Variants in WWOX observed in about 807,000 individuals in gnomAD.
The protein encoded by WWOX is WW domain containing oxidoreductase, also known as WW domain-containing oxidoreductase.
A neutral mutation model predicts 46.2 loss-of-function variants in WWOX; 69 were observed. The observed-to-expected ratio is 1.49, with a 90% confidence interval of 1.23 to 1.82. WWOX has a LOEUF of 1.82. Ranked by LOEUF, WWOX falls within the 40% of genes most tolerant of loss-of-function variation. The pLI is 0.00. For synonymous variants in WWOX, 359 were observed against 202.6 expected, an observed-to-expected ratio of 1.77 and a Z score of -6.56; for missense variants, 919 against 542.6, an observed-to-expected ratio of 1.69 and a Z score of -6.89.
intron 8 of WWOX, among the ~76,000 whole-genome samples, chr16:78,473,573 C>G (rs990389548): frequency 6.6e-6 from 1 of 152,264 alleles, no homozygotes; most frequent in Non-Finnish European, 1.5e-5. Context: ...TATCTGTGAG[C>G]AGACGTGATT....
At chr16:78,128,967 T>C (rs2033475791) in intron 4 of WWOX, among the ~76,000 whole-genome samples, 1 of 152,198 alleles carries the variant, frequency 6.6e-6, no homozygotes, top group Admixed American at 6.5e-5. Context: ...CAATTCTAAG[T>C]TCACGTACAG....
At chr16:79,102,500 C>G (rs993453154) in intron 8 of WWOX, among the ~76,000 whole-genome samples, 1 of 152,206 alleles carries the variant, frequency 6.6e-6, no homozygotes, top group Non-Finnish European at 1.5e-5. Flanking sequence ...ATTTACCAAA[C>G]ATCATGCTTT....
chr16:78,415,315 A>G (rs1390119654), intron 6 of WWOX, among the ~76,000 whole-genome samples: 2 of 151,988 alleles, frequency 1.3e-5, no homozygotes, highest in Non-Finnish European at 2.9e-5. Flanking sequence ...TTAGGGTATA[A>G]TGAGTAGTAA....
chr16:78,556,460 C>G (rs1490069918), intron 8 of WWOX, among the ~76,000 whole-genome samples: 3 of 152,120 alleles, frequency 2.0e-5, no homozygotes, highest in African/African-American at 7.2e-5. Flanking sequence ...ATGGAGCACC[C>G]TGTTCCCATA....
chr16:78,885,247 GA>G (rs35869310), intron 8 of WWOX, among the ~76,000 whole-genome samples: 39,972 of 145,118 alleles, frequency 0.28, 5,714 homozygotes, highest in Middle Eastern at 0.43. Context: ...AAGGAACACT[GA>G]AAAAAAAAAT....
In WWOX at chr16:78,930,595, C is replaced by A. The variant is rs966641223; in HGVS notation, c.1057-281013C>A. ...CATAGGCTGCTGCACCAGGCAAGGA[C>A]TTTTTTTTTTTTTTTTAAACAAACT... On this transcript the variant is annotated intron_variant, in intron 8 of 8. Transcript: ENST00000566780. Among the ~76,000 whole-genome samples, 4 of 139,498 alleles carry A rather than the reference C, an allele frequency of 2.9e-5. No individual in the cohort carries two copies. The Admixed American group carries it at 2.9e-4, about 10-fold the overall frequency. 91.5% of individuals were successfully genotyped at this position (139,498 alleles called of 152,430 possible).
intron 8 of WWOX, among the ~76,000 whole-genome samples, chr16:78,709,344 G>A (rs1219494072): frequency 6.6e-6 from 1 of 152,226 alleles, no homozygotes; most frequent in Non-Finnish European, 1.5e-5. Flanking sequence ...AAGCTTGTTG[G>A]AGTTGTCTGG....
intron 8 of WWOX, among the ~76,000 whole-genome samples, chr16:78,718,685 C>T (rs1361845422): frequency 6.6e-6 from 1 of 151,954 alleles, no homozygotes; most frequent in Admixed American, 6.6e-5. Flanking sequence ...TCCAGCCTGG[C>T]CAACATAGTG....
chr16:79,053,939 A>G (rs1041820785), intron 8 of WWOX, among the ~76,000 whole-genome samples: 5 of 152,150 alleles, frequency 3.3e-5, no homozygotes, highest in Non-Finnish European at 5.9e-5. Flanking sequence ...TGTGGTTAGA[A>G]CTAAGAGGAT....
At chr16:78,573,926 G>A (rs2044782242) in intron 8 of WWOX, among the ~76,000 whole-genome samples, 1 of 152,198 alleles carries the variant, frequency 6.6e-6, no homozygotes, top group Non-Finnish European at 1.5e-5. Context: ...AGACTTAGCT[G>A]GGTCCTCTGC....
chr16:79,037,076 C>G (rs1012664590), intron 8 of WWOX, among the ~76,000 whole-genome samples: 2 of 152,186 alleles, frequency 1.3e-5, no homozygotes, highest in East Asian at 1.9e-4. Flanking sequence ...CTTCCTCAGA[C>G]TCAGGGCGGG....
chr16:78,546,148 A>C (rs918816367), intron 8 of WWOX, among the ~76,000 whole-genome samples: 7 of 152,212 alleles, frequency 4.6e-5, no homozygotes, highest in Non-Finnish European at 1.0e-4. Flanking sequence ...TTACATAATT[A>C]ATCACAAAAA....
intron 8 of WWOX, among the ~76,000 whole-genome samples, chr16:78,971,473 A>AGAG (rs1252595168): frequency 3.7e-5 from 5 of 136,698 alleles, no homozygotes; most frequent in African/African-American, 1.4e-4. Flanking sequence ...AAAAAAAAAA[A>AGAG]AGAGAGAGAT....
At chr16:78,645,543 C>T (rs143742574) in intron 8 of WWOX, among the ~76,000 whole-genome samples, 31 of 152,136 alleles carry the variant, frequency 2.0e-4, no homozygotes, top group Non-Finnish European at 3.8e-4. Context: ...CGTCAGGCAG[C>T]TTCTACTCAT....
chr16:78,847,227 G>A (rs1293604824), intron 8 of WWOX, among the ~76,000 whole-genome samples: 2 of 152,144 alleles, frequency 1.3e-5, no homozygotes, highest in African/African-American at 2.4e-5. Flanking sequence ...TACTGCTGGA[G>A]TGTCATTGCT....
chr16:79,096,691 T>C (rs941240431), intron 8 of WWOX, among the ~76,000 whole-genome samples: 1 of 152,232 alleles, frequency 6.6e-6, no homozygotes, highest in Non-Finnish European at 1.5e-5. Context: ...TTACCCATTT[T>C]GCTTTCTCCC....
At chr16:78,952,223 C>T (rs942406990) in intron 8 of WWOX, among the ~76,000 whole-genome samples, 2 of 152,078 alleles carry the variant, frequency 1.3e-5, no homozygotes, top group African/African-American at 4.8e-5. Flanking sequence ...CCTTACTTTG[C>T]CTCTACTCAG....
rs535265040 is a variant in WWOX, at chr16:78,423,404, C to T, written c.606-1466C>T. Among the ~76,000 whole-genome samples the T allele has an allele frequency of 2.0e-5, 3 of 152,070 alleles. No individual in the cohort carries two copies. The South Asian group carries it at 6.2e-4, about 32-fold the overall frequency. On this transcript the variant is annotated intron_variant, in intron 6 of 8. Transcript: ENST00000566780. ...ATTCCTCAATGGTATATTTAGTTTA[C>T]TTTATATTTGCTGCTTTAGTTTGTC...
At chr16:79,002,554 C>T (rs969864341) in intron 8 of WWOX, among the ~76,000 whole-genome samples, 2 of 152,088 alleles carry the variant, frequency 1.3e-5, no homozygotes, top group Non-Finnish European at 2.9e-5. Context: ...ACCTGATGAC[C>T]CTTGCCATAG....
Sources: gnomAD v4.1 joint callset for allele counts (sites outside exome capture counted in the v4.1 genomes callset) on GRCh38, gnomAD v4.1.1 for gene constraint, MANE v1.5 for transcripts, NCBI Gene and HGNC (gene_info 2026-07-23, HGNC 2026-07-21) for gene names.